Variants in ERFE observed in about 807,000 individuals in gnomAD.
The protein encoded by ERFE is erythroferrone, also known as complement C1q tumor necrosis factor-related protein 15.
Under a neutral mutation model 26.6 loss-of-function variants are expected in ERFE, and 25 were observed. The observed-to-expected ratio is 0.94, with a 90% CI of 0.69 to 1.31. The LOEUF (loss-of-function observed/expected upper bound fraction) is 1.31, where lower values mean the gene tolerates loss of function less well. ERFE is among the 40% of genes most tolerant of loss of function. ERFE has a pLI of 0.00. For missense variants in ERFE, 447 were observed against 440.2 expected (o/e 1.02, Z -0.14); for synonymous variants, 206 against 204.5 (o/e 1.01, Z -0.06).
chr2:238,161,759 G>A lies in ERFE; in HGVS notation c.321+43G>A, dbSNP rs559390590. 597 of 1,508,540 alleles carry A rather than the reference G, an allele frequency of 4.0e-4. 5 individuals carry two copies. The Middle Eastern group carries it at 6.2e-3, about 16-fold the overall frequency. The allele number at this position is 1,508,540 out of a possible 1,614,324, so 93.4% of individuals were successfully genotyped here. A position where few individuals can be genotyped will look rare whatever the true frequency, so the allele number is the denominator to read the frequency against. On this transcript the variant is annotated intron_variant, in intron 2 of 7. Transcript: ENST00000546354. Reference sequence around the variant, plus strand: ...TCAGTGCCAGGCCGTGGGGGGTTCCGCCTCCTCGCTCCTCATCCACTCCCA... The same window carrying A: ...TCAGTGCCAGGCCGTGGGGGGTTCCACCTCCTCGCTCCTCATCCACTCCCA...
chr2:238,161,552 C>T (rs1334291941), intron 1 of ERFE, 42 bp from the exon 2 acceptor site: 2 of 1,494,038 alleles, frequency 1.3e-6, no homozygotes, highest in South Asian at 1.3e-5. Context: ...TTGGTAGGAG[C>T]CCAGTGAGGC....
At position 238,168,702 on chromosome 2, in the gene ERFE, T is replaced by C. The variant is rs535393250; in HGVS notation, c.*1648T>C. On this transcript the variant is annotated 3_prime_UTR_variant, in exon 8 of 8. Coordinates refer to ENST00000546354, the MANE Select transcript of ERFE (RefSeq NM_001291832.2). ...GGCCTGGGTACTGCATCCGTGTGTT[T>C]TGATAAGGGGGTGATGTGGCCACGC... 2 of 309,314 alleles carry C rather than the reference T, an allele frequency of 6.5e-6. No individual in the cohort carries two copies. The highest frequency in any genetic ancestry group is 2.7e-5 in the South Asian group (1 of 37,250). 19.2% of individuals were successfully genotyped at this position (309,314 alleles called of 1,614,324 possible). A position where few individuals can be genotyped will look rare whatever the true frequency, so the allele number is the denominator to read the frequency against.
At chr2:238,165,238 C>T (rs1042882148) in intron 6 of ERFE, among the ~76,000 whole-genome samples, 2 of 152,246 alleles carry the variant, frequency 1.3e-5, no homozygotes, top group East Asian at 1.9e-4. Flanking sequence ...ATGAATGGAT[C>T]AAGTCCAAAA....
chr2:238,161,532 T>C, intron 1 of ERFE, 62 bp from the exon 2 acceptor site: 4 of 1,472,916 alleles, frequency 2.7e-6, no homozygotes, highest in Non-Finnish European at 3.6e-6. Flanking sequence ...CTGCAAAGTG[T>C]CCCACCTGCT....
At chr2:238,164,041 C>A in intron 4 of ERFE, 34 bp from the exon 5 acceptor site, 1 of 1,380,508 alleles carries the variant, frequency 7.2e-7, no homozygotes, top group South Asian at 1.6e-5. Flanking sequence ...TCCGGCCGGG[C>A]GGGAGCCGGG....
intron 1 of ERFE, among the ~76,000 whole-genome samples, chr2:238,159,630 G>C (rs1351252183): frequency 1.3e-5 from 2 of 152,230 alleles, no homozygotes; most frequent in African/African-American, 4.8e-5. Context: ...CGGATCTGGG[G>C]TCGGGGGGCT....
Position 238,159,029 on chromosome 2 carries a change from G to A in ERFE, c.22G>A (p.Ala8Thr), listed in dbSNP as rs1213272531. ...CCGCATGGCCCCGGCCCGCCGCCCC[G>A]CCGGAGCCCGCCTGCTGCTCGTCTA... is the stretch of plus-strand genomic sequence containing the variant. Reference protein sequence around the residue: MAPARRPAGARLLLVYAG... With the variant: MAPARRPTGARLLLVYAG... Residue 8 changes from alanine (A) to threonine (T), a missense_variant, in exon 1 of 8, where the codon GCC becomes ACC. Ala to Thr is a moderately conservative substitution (Grantham distance 58). Coordinates refer to ENST00000546354, the MANE Select transcript of ERFE (RefSeq NM_001291832.2). 81 of 257,362 alleles carry A rather than the reference G, an allele frequency of 3.1e-4. No homozygotes were observed. The highest frequency in any genetic ancestry group is 5.6e-4 in the Non-Finnish European group (77 of 138,034). 15.9% of individuals were successfully genotyped at this position (257,362 alleles called of 1,614,324 possible).
chr2:238,166,682 T>G (rs777275160), intron 7 of ERFE, among the ~76,000 whole-genome samples: 1 of 152,222 alleles, frequency 6.6e-6, no homozygotes, highest in Admixed American at 6.5e-5. Context: ...GAGAAACCTG[T>G]TGGACTCTTG....
intron 1 of ERFE, 36 bp from the exon 2 acceptor site, chr2:238,161,558 G>A (rs1287279670): frequency 6.7e-7 from 1 of 1,500,974 alleles, no homozygotes; most frequent in Non-Finnish European, 9.0e-7. Context: ...GGAGCCCAGT[G>A]AGGCCAACCG....
At chr2:238,164,708 C>G (rs1007632224) in intron 6 of ERFE, 3 of 273,450 alleles carry the variant, frequency 1.1e-5, no homozygotes, top group East Asian at 1.3e-4. Flanking sequence ...CAAAAAATTA[C>G]CCGGGCGTGG....
Position 238,167,080 on chromosome 2 carries a change from A to T in ERFE, c.*26A>T. ...GCGGCCACCACAGGCCCTTCCTCTC[A>T]GGGGCAAATGGAGCACAGATCTAGA... On this transcript the variant is annotated 3_prime_UTR_variant, in exon 8 of 8. Transcript: ENST00000546354. The T allele has an allele frequency of 6.5e-7, 1 of 1,543,180 alleles. No homozygotes were observed. Among genetic ancestry groups the T allele is most frequent in the Non-Finnish European group, 8.8e-7 (1 of 1,141,196 alleles).
rs1463853955 is a variant in ERFE, at chr2:238,168,844, G to GC, written c.*1791dup. On this transcript the variant is annotated 3_prime_UTR_variant, in exon 8 of 8. Transcript: ENST00000546354. ...TTCATTTTTCTCAGTGTGTTATGCA[G>GC]CAATTTATTAAAGTATTTATTGTCT... 2 of 167,434 alleles carry GC rather than the reference G, an allele frequency of 1.2e-5. No homozygotes were observed. The highest frequency in any genetic ancestry group is 2.6e-5 in the Non-Finnish European group (2 of 76,326). 10.4% of individuals were successfully genotyped at this position (167,434 alleles called of 1,614,324 possible).
At chr2:238,159,457 CCTTTT>C (rs890602328) in intron 1 of ERFE, among the ~76,000 whole-genome samples, 1 of 152,194 alleles carries the variant, frequency 6.6e-6, no homozygotes, top group Non-Finnish European at 1.5e-5. Flanking sequence ...GCGAAACCCC[CCTTTT>C]CTTTTGGGAC....
chr2:238,167,110 G>A lies in ERFE; in HGVS notation c.*56G>A, dbSNP rs750447645. 5 of 1,501,120 alleles carry A rather than the reference G, an allele frequency of 3.3e-6. No homozygotes were observed. The South Asian group carries it at 4.8e-5, about 14-fold the overall frequency. 93.0% of individuals were successfully genotyped at this position (1,501,120 alleles called of 1,614,324 possible). A position where few individuals can be genotyped will look rare whatever the true frequency, so the allele number is the denominator to read the frequency against. ...CAAATGGAGCACAGATCTAGACAAT[G>A]TGTGGACAGTGTCAGAGTAGCAGTG... On this transcript the variant is annotated 3_prime_UTR_variant, in exon 8 of 8. Coordinates refer to ENST00000546354, the MANE Select transcript of ERFE (RefSeq NM_001291832.2).
Position 238,168,144 on chromosome 2 carries a change from T to A in ERFE, c.*1090T>A. ...GTCTTGGGAGGGCTGGTCCCAAGCC[T>A]GCTGTGCTCCTGTGGCAGTGATGGG... On this transcript the variant is annotated 3_prime_UTR_variant, in exon 8 of 8. Coordinates refer to ENST00000546354, the MANE Select transcript of ERFE (RefSeq NM_001291832.2). 3.6e-6 allele frequency: 1 copy of A among 276,020 alleles called. No individual in the cohort carries two copies. The highest frequency in any genetic ancestry group is 7.3e-6 in the Non-Finnish European group (1 of 136,754). The allele number at this position is 276,020 out of a possible 1,614,324, so 17.1% of individuals were successfully genotyped here. A position where few individuals can be genotyped will look rare whatever the true frequency, so the allele number is the denominator to read the frequency against.
intron 3 of ERFE, 102 bp downstream of exon 3, chr2:238,162,940 C>T (rs1692962709): frequency 1.1e-6 from 1 of 902,576 alleles, no homozygotes; most frequent in Admixed American, 2.6e-5. Flanking sequence ...CTTCGGCGGG[C>T]ACCCAAGGAG....
At chr2:238,159,919 CA>C in intron 1 of ERFE, among the ~76,000 whole-genome samples, 1 of 152,312 alleles carries the variant, frequency 6.6e-6, no homozygotes, top group Non-Finnish European at 1.5e-5. Context: ...TGAAGATGCT[CA>C]GGGGCAGTAG....
chr2:238,167,013 C>T lies in ERFE; in HGVS notation c.1024C>T (p.Arg342Cys), dbSNP rs1029767238. The change falls in exon 8 of 8, where the codon CGC becomes TGC. Residue 342 changes from arginine to cysteine, a missense_variant. Transcript: ENST00000546354. Reference protein sequence around the residue: ...DNASGCSLTVRSGSHFSAVLL... With the variant: ...DNASGCSLTVCSGSHFSAVLL... ...CGCCAGCGGCTGCTCCCTCACAGTG[C>T]GCAGTGGCTCCCACTTCAGTGCTGT... The T allele has an allele frequency of 2.7e-5, 42 of 1,550,432 alleles. 1 individual carries two copies. In the Middle Eastern group the frequency reaches 5.0e-4, roughly 18 times the overall value.
chr2:238,165,588 CCTCT>C lies in ERFE; in HGVS notation c.888-17_888-14del, dbSNP rs910319133. 86 of 1,539,442 alleles carry C rather than the reference CCTCT, an allele frequency of 5.6e-5. No homozygotes were observed. Among genetic ancestry groups the C allele is most frequent in the Admixed American group, 1.8e-4 (9 of 50,822 alleles). On this transcript the variant is annotated splice_polypyrimidine_tract_variant and intron_variant, in intron 6 of 7. Coordinates refer to ENST00000546354, the MANE Select transcript of ERFE (RefSeq NM_001291832.2). ...GGTCTCATGGGGCAGGCTGACCCTC[CCTCT>C]GTTTTGGGTACAGCTCCCTGGAGGC...
Sources: allele counts gnomAD v4.1 joint callset (sites outside exome capture counted in the v4.1 genomes callset), GRCh38; gene constraint gnomAD v4.1.1; transcripts MANE v1.5; gene names NCBI Gene and HGNC (gene_info 2026-07-23, HGNC 2026-07-21).